The following RORA variants were observed in gnomAD, a reference collection of about 807,000 sequenced individuals.
RORA encodes nuclear receptor ROR-alpha.
In RORA, 7 loss-of-function variants were observed where a neutral mutation model predicts 69.5. That is an observed-to-expected ratio of 0.10 (90% CI 0.06 to 0.19). The LOEUF (loss-of-function observed/expected upper bound fraction) is 0.19. RORA is among the 10% of genes least tolerant of loss of function. The pLI, the probability that RORA is intolerant of heterozygous loss-of-function variation, is 1.00. For missense variants in RORA, 457 were observed against 663.0 expected (o/e 0.69, Z 3.41); for synonymous variants, 261 against 240.8 (o/e 1.08, Z -0.78).
intron 1 of RORA, among the ~76,000 whole-genome samples, chr15:61,118,761 T>C (rs962014183): frequency 2.0e-5 from 3 of 152,130 alleles, no homozygotes; most frequent in Non-Finnish European, 4.4e-5. Flanking sequence ...GGAATGATTT[T>C]TTTTTTCCTT....
intron 1 of RORA, chr15:61,038,703 G>A (rs928208100): frequency 6.6e-6 from 1 of 152,268 alleles, no homozygotes; most frequent in South Asian, 2.1e-4. Context: ...AAAATACACT[G>A]TGGTAGCGGA....
intron 1 of RORA, among the ~76,000 whole-genome samples, chr15:61,035,253 C>T (rs960701151): frequency 1.3e-5 from 2 of 152,080 alleles, no homozygotes; most frequent in Admixed American, 6.5e-5. Flanking sequence ...TCTGTCAGAG[C>T]GAGTGGCTAT....
intron 1 of RORA, chr15:61,214,214 G>C (rs201669880): frequency 6.6e-6 from 1 of 152,206 alleles, no homozygotes; most frequent in East Asian, 1.9e-4. Context: ...AATTAATAAA[G>C]AGATGTTGTC....
At chr15:60,746,117 T>C (rs1595680205) in intron 1 of RORA, among the ~76,000 whole-genome samples, 1 of 152,328 alleles carries the variant, frequency 6.6e-6, no homozygotes, top group East Asian at 1.9e-4. Flanking sequence ...GGCTAAGCCT[T>C]CGTGGATTTA....
chr15:60,772,000 C>A (rs1478812370), intron 1 of RORA, among the ~76,000 whole-genome samples: 1 of 152,172 alleles, frequency 6.6e-6, no homozygotes, highest in African/African-American at 2.4e-5. Context: ...ATGCCAGCAA[C>A]AAATTTTCAA....
chr15:60,689,311 A>T (rs2070789294), intron 1 of RORA, among the ~76,000 whole-genome samples: 1 of 152,228 alleles, frequency 6.6e-6, no homozygotes, highest in Admixed American at 6.5e-5. Flanking sequence ...TGTTCCATAG[A>T]GAAAGGAAGG....
chr15:61,215,430 G>C (rs2080031905), intron 1 of RORA, among the ~76,000 whole-genome samples: 1 of 152,130 alleles, frequency 6.6e-6, no homozygotes, highest in Non-Finnish European at 1.5e-5. Flanking sequence ...CAGTTAATAG[G>C]GGTTCTCAGA....
chr15:60,943,925 A>AAAAAAAAAAAAAAAAAAAAAG (rs1595834409), intron 1 of RORA, among the ~76,000 whole-genome samples: 1 of 148,020 alleles, frequency 6.8e-6, no homozygotes, highest in Non-Finnish European at 1.5e-5. Context: ...CCAAAAAAAA[A>AAAAAAAAAAAAAAAAAAAAAG]AAAAAAAAAA....
intron 1 of RORA, among the ~76,000 whole-genome samples, chr15:60,784,512 C>T (rs866222183): frequency 3.3e-5 from 5 of 152,220 alleles, no homozygotes; most frequent in African/African-American, 1.2e-4. Context: ...CCCTACCTGG[C>T]TGTGAGCATC....
intron 2 of RORA, among the ~76,000 whole-genome samples, chr15:60,672,646 G>A (rs1657797): frequency 0.76 from 115,531 of 152,178 alleles, 44,445 homozygotes; most frequent in East Asian, 1. Flanking sequence ...GTGAGCTAAC[G>A]AGGTTTTTCA....
intron 1 of RORA, among the ~76,000 whole-genome samples, chr15:60,741,312 C>T (rs368814576): frequency 1.3e-4 from 20 of 152,284 alleles, no homozygotes; most frequent in Non-Finnish European, 2.1e-4. Context: ...GCAGGGGCTG[C>T]GTGCGCTCCC....
At chr15:60,693,585 A>G (rs1223070632) in intron 1 of RORA, among the ~76,000 whole-genome samples, 1 of 152,206 alleles carries the variant, frequency 6.6e-6, no homozygotes, top group Non-Finnish European at 1.5e-5. Context: ...CTGATAAGCA[A>G]CCTCAGCAGT....
chr15:60,847,472 A>C (rs754903986), intron 1 of RORA, among the ~76,000 whole-genome samples: 18 of 152,126 alleles, frequency 1.2e-4, no homozygotes, highest in Non-Finnish European at 2.2e-4. Context: ...CAGGTGGCCC[A>C]TATGTTCCGT....
intron 1 of RORA, among the ~76,000 whole-genome samples, chr15:60,700,740 T>C (rs1180812449): frequency 2.6e-5 from 4 of 152,188 alleles, no homozygotes; most frequent in African/African-American, 9.7e-5. Flanking sequence ...CCTCCAAGCT[T>C]TTTTCTGTTC....
intron 1 of RORA, among the ~76,000 whole-genome samples, chr15:61,079,877 T>C (rs1489367787): frequency 2.6e-5 from 4 of 152,310 alleles, no homozygotes; most frequent in East Asian, 1.9e-4. Context: ...TTTGTGGCTT[T>C]ATTTCCTGTG....
intron 2 of RORA, among the ~76,000 whole-genome samples, chr15:60,598,091 G>A (rs964147114): frequency 6.6e-6 from 1 of 152,004 alleles, no homozygotes; most frequent in Admixed American, 6.5e-5. Flanking sequence ...GAGCCTTGTA[G>A]GGCCACTAGG....
intron 1 of RORA, among the ~76,000 whole-genome samples, chr15:60,731,878 C>A (rs1268893822): frequency 6.6e-6 from 1 of 152,150 alleles, no homozygotes; most frequent in Non-Finnish European, 1.5e-5. Flanking sequence ...TTGCTGTCAG[C>A]GTTCTTTTTC....
In RORA at chr15:60,597,597, C is replaced by CATATATATAT. The variant is rs1213736725; in HGVS notation, c.197-65756_197-65747dup. 3.7e-3 allele frequency among the ~76,000 whole-genome samples: 115 copies of CATATATATAT among 31,352 alleles called. 10 individuals are homozygous for CATATATATAT. Among genetic ancestry groups the CATATATATAT allele is most frequent in the East Asian group, 0.012 (5 of 420 alleles). 20.6% of individuals were successfully genotyped at this position (31,352 alleles called of 152,430 possible). On this transcript the variant is annotated intron_variant, in intron 2 of 10. Coordinates refer to ENST00000335670, the MANE Select transcript of RORA (RefSeq NM_134261.3). ...ATACACATATATATATATATATACA[C>CATATATATAT]ATATATATATATATATATATACATA... is the stretch of plus-strand genomic sequence containing the variant.
chr15:61,204,921 A>G (rs186316653), intron 1 of RORA, among the ~76,000 whole-genome samples: 1 of 152,368 alleles, frequency 6.6e-6, no homozygotes, highest in Admixed American at 6.5e-5. Context: ...TAGGAAAGGA[A>G]TATGTCCCCA....
Sources: allele counts gnomAD v4.1 joint callset (sites outside exome capture counted in the v4.1 genomes callset), GRCh38; gene constraint gnomAD v4.1.1; transcripts MANE v1.5; gene names NCBI Gene and HGNC (gene_info 2026-07-23, HGNC 2026-07-21).